The following SCAPER variants were observed in gnomAD, a reference collection of about 807,000 sequenced individuals.
The protein encoded by SCAPER is S-phase cyclin A associated protein in the ER, also known as S phase cyclin A-associated protein in the endoplasmic reticulum.
In SCAPER, 98 loss-of-function variants were observed where a neutral mutation model predicts 182.2. The ratio of observed to expected loss-of-function variants is 0.54; its 90% CI spans 0.46 to 0.64. The LOEUF (loss-of-function observed/expected upper bound fraction) is 0.64. Ranked by LOEUF, SCAPER falls within the 30% of genes least tolerant of loss-of-function variation. SCAPER has a pLI of 0.00. For missense variants in SCAPER, 1,432 were observed against 1,690.0 expected (o/e 0.85, Z 2.68); for synonymous variants, 605 against 564.6 (o/e 1.07, Z -1.01).
At chr15:76,652,355 C>A (rs1444735276) in intron 21 of SCAPER, among the ~76,000 whole-genome samples, 1 of 31,518 alleles carries the variant, frequency 3.2e-5, no homozygotes, top group Non-Finnish European at 5.4e-5. Flanking sequence ...CACACACACA[C>A]ACACACACAC....
intron 4 of SCAPER, among the ~76,000 whole-genome samples, chr15:76,854,803 CAAAAAAAA>C (rs35484908): frequency 1.7e-4 from 20 of 118,376 alleles, no homozygotes; most frequent in Admixed American, 5.3e-4. Flanking sequence ...ACTAAAAATA[CAAAAAAAA>C]AAAAAAAAAA....
At chr15:76,424,485 A>G (rs1174215606) in intron 26 of SCAPER, among the ~76,000 whole-genome samples, 3 of 152,020 alleles carry the variant, frequency 2.0e-5, no homozygotes, top group Admixed American at 1.3e-4. Flanking sequence ...ACTTCCCTCC[A>G]TCCCTTTATT....
At chr15:76,416,795 A>T (rs1226914287) in intron 26 of SCAPER, among the ~76,000 whole-genome samples, 1 of 152,278 alleles carries the variant, frequency 6.6e-6, no homozygotes, top group East Asian at 1.9e-4. Context: ...AAATACACTT[A>T]CATGTGTAAT....
chr15:76,820,447 G>A (rs181862792), intron 5 of SCAPER, among the ~76,000 whole-genome samples: 7,684 of 152,208 alleles, frequency 0.05, 234 homozygotes, highest in Middle Eastern at 0.12. Context: ...TAGGGACATG[G>A]ATGAAGCTGG....
chr15:76,502,994 AT>A (rs2041269381), intron 24 of SCAPER, among the ~76,000 whole-genome samples: 1 of 152,216 alleles, frequency 6.6e-6, no homozygotes, highest in Non-Finnish European at 1.5e-5. Flanking sequence ...CTTTTGGGAA[AT>A]AGGCATTTAA....
chr15:76,570,993 A>C (rs1479251679), intron 23 of SCAPER, among the ~76,000 whole-genome samples: 1 of 152,092 alleles, frequency 6.6e-6, no homozygotes, highest in Non-Finnish European at 1.5e-5. Flanking sequence ...GTTCATGATT[A>C]TGTGATGGAG....
rs373725531 is a variant in SCAPER, at chr15:76,422,575, C to T, written c.3311+11503G>A. On this transcript the variant is annotated intron_variant, in intron 26 of 31. Coordinates refer to ENST00000563290, the MANE Select transcript of SCAPER (RefSeq NM_020843.4). ...TCATGTCATCTGCAAACAGGGACAA[C>T]TTGACTTCCTCTTTTCCTAATTGAA... 9.9e-5 allele frequency among the ~76,000 whole-genome samples: 15 copies of T among 151,536 alleles called. No individual in the cohort carries two copies. The South Asian group carries it at 1.7e-3, about 17-fold the overall frequency.
chr15:76,872,145 G>A (rs757721404), intron 2 of SCAPER, among the ~76,000 whole-genome samples: 4 of 151,840 alleles, frequency 2.6e-5, no homozygotes, highest in Non-Finnish European at 5.9e-5. Context: ...AAATATGACA[G>A]TAGGAAATAC....
intron 27 of SCAPER, among the ~76,000 whole-genome samples, chr15:76,383,801 CTCT>C (rs2043121955): frequency 6.6e-6 from 1 of 152,228 alleles, no homozygotes; most frequent in Admixed American, 6.5e-5. Flanking sequence ...GGCTGACCTC[CTCT>C]TTTCTCTCAA....
chr15:76,462,679 G>C (rs1567189241), intron 25 of SCAPER, among the ~76,000 whole-genome samples: 1 of 152,040 alleles, frequency 6.6e-6, no homozygotes, highest in Non-Finnish European at 1.5e-5. Context: ...ATTATTTTAG[G>C]TGATAGTGAT....
intron 25 of SCAPER, among the ~76,000 whole-genome samples, chr15:76,461,325 C>G (rs2049156199): frequency 7.2e-6 from 1 of 138,312 alleles, no homozygotes; most frequent in Non-Finnish European, 1.6e-5. Flanking sequence ...GTTACTATTA[C>G]CCAACTTTTT....
At chr15:76,755,380 G>A (rs1272238616) in intron 14 of SCAPER, among the ~76,000 whole-genome samples, 4 of 152,102 alleles carry the variant, frequency 2.6e-5, no homozygotes, top group Non-Finnish European at 4.4e-5. Flanking sequence ...GCTACCTAAC[G>A]CATTTTTATG....
intron 2 of SCAPER, among the ~76,000 whole-genome samples, chr15:76,864,021 G>A (rs889800672): frequency 6.6e-6 from 1 of 152,036 alleles, no homozygotes; most frequent in African/African-American, 2.4e-5. Flanking sequence ...CAGCCCAGCT[G>A]AGCCCCTAGA....
intron 9 of SCAPER, among the ~76,000 whole-genome samples, chr15:76,773,532 G>A (rs1490970251): frequency 1.3e-5 from 2 of 151,882 alleles, no homozygotes; most frequent in Admixed American, 1.3e-4. Flanking sequence ...GTTTCTTAAA[G>A]TTACATCCAA....
At chr15:76,421,893 G>T (rs1454885707) in intron 26 of SCAPER, among the ~76,000 whole-genome samples, 1 of 152,134 alleles carries the variant, frequency 6.6e-6, no homozygotes, top group Non-Finnish European at 1.5e-5. Flanking sequence ...TTTCCCCATT[G>T]CTTGTTTTTG....
intron 23 of SCAPER, among the ~76,000 whole-genome samples, chr15:76,539,776 A>G (rs1212019307): frequency 2.0e-5 from 3 of 151,998 alleles, no homozygotes; most frequent in African/African-American, 7.2e-5. Flanking sequence ...CGATCTCCTG[A>G]CCTCGTGATC....
At chr15:76,352,859 T>C (rs1048563912) in intron 30 of SCAPER, among the ~76,000 whole-genome samples, 2 of 152,246 alleles carry the variant, frequency 1.3e-5, no homozygotes, top group Non-Finnish European at 2.9e-5. Flanking sequence ...ATATTAACTA[T>C]AAGACAGTTT....
intron 25 of SCAPER, among the ~76,000 whole-genome samples, chr15:76,470,321 G>T (rs897734057): frequency 6.6e-6 from 1 of 152,136 alleles, no homozygotes; most frequent in Non-Finnish European, 1.5e-5. Flanking sequence ...TTCTATCAGA[G>T]ATGCTTAAGA....
At chr15:76,802,981 T>C (rs560040519) in intron 6 of SCAPER, among the ~76,000 whole-genome samples, 16 of 152,338 alleles carry the variant, frequency 1.1e-4, no homozygotes, top group Admixed American at 2.0e-4. Context: ...TGTTACTACC[T>C]TAATCTGAGT....
Sources: allele counts gnomAD v4.1 joint callset (sites outside exome capture counted in the v4.1 genomes callset), GRCh38; gene constraint gnomAD v4.1.1; transcripts MANE v1.5; gene names NCBI Gene and HGNC (gene_info 2026-07-23, HGNC 2026-07-21).